MTUS2: variants seen among roughly 807,000 people sequenced by gnomAD.
The protein encoded by MTUS2 is microtubule associated scaffold protein 2.
MTUS2 carries 40 observed loss-of-function variants against 114.1 expected under a neutral mutation model. That is an observed-to-expected ratio of 0.35 (90% CI 0.27 to 0.46). MTUS2 has a LOEUF of 0.46. Among genes scored for constraint, MTUS2 ranks in the 20% least tolerant of loss-of-function variants. The probability of loss-of-function intolerance (pLI) is 1.00; values close to 1 mark genes in which losing one functional copy is unlikely to be tolerated. For synonymous variants in MTUS2, 688 were observed against 672.0 expected (o/e 1.02, Z -0.37); for missense variants, 1,679 against 1,705.4 (o/e 0.98, Z 0.27).
intron 5 of MTUS2, among the ~76,000 whole-genome samples, chr13:29,240,463 T>A (rs1361431093): frequency 1.3e-5 from 2 of 152,222 alleles, no homozygotes; most frequent in Admixed American, 1.3e-4. Flanking sequence ...AGACTCAGTG[T>A]GAAATCGAAT....
chr13:29,193,002 T>C (rs754700009), intron 5 of MTUS2, among the ~76,000 whole-genome samples: 2 of 152,154 alleles, frequency 1.3e-5, no homozygotes, highest in Admixed American at 6.5e-5. Flanking sequence ...ACAATGCATT[T>C]TGTATTTTCA....
chr13:29,022,523 T>C (rs772085992), intron 2 of MTUS2, among the ~76,000 whole-genome samples: 5 of 152,216 alleles, frequency 3.3e-5, no homozygotes, highest in Non-Finnish European at 5.9e-5. Context: ...AACAACATAT[T>C]AACAGGGATA....
At chr13:28,963,268 G>A (rs902438845) in intron 2 of MTUS2, among the ~76,000 whole-genome samples, 7 of 152,110 alleles carry the variant, frequency 4.6e-5, no homozygotes, top group African/African-American at 9.7e-5. Flanking sequence ...GGAGAATGGC[G>A]TGAACCCTGG....
At chr13:28,973,245 G>A (rs945484772) in intron 2 of MTUS2, among the ~76,000 whole-genome samples, 17 of 152,114 alleles carry the variant, frequency 1.1e-4, no homozygotes, top group African/African-American at 3.9e-4. Flanking sequence ...TTCACTCTTA[G>A]CAAGAGTAAT....
chr13:28,987,318 T>C (rs753166560), intron 2 of MTUS2, among the ~76,000 whole-genome samples: 27 of 152,112 alleles, frequency 1.8e-4, no homozygotes, highest in Non-Finnish European at 3.5e-4. Context: ...GCAGCACATC[T>C]AGTGCAGCAC....
chr13:29,252,173 A>G (rs1176126150), intron 5 of MTUS2, among the ~76,000 whole-genome samples: 1 of 152,002 alleles, frequency 6.6e-6, no homozygotes, highest in Non-Finnish European at 1.5e-5. Flanking sequence ...TATAATTACT[A>G]TCTAAATACT....
chr13:29,349,136 A>G (rs1363879752), intron 7 of MTUS2, among the ~76,000 whole-genome samples: 1 of 150,338 alleles, frequency 6.7e-6, no homozygotes, highest in Non-Finnish European at 1.5e-5. Context: ...GGCATTGGAT[A>G]GTTTTTTATG....
intron 9 of MTUS2, among the ~76,000 whole-genome samples, chr13:29,455,204 G>A (rs1047303119): frequency 6.6e-6 from 1 of 152,194 alleles, no homozygotes; most frequent in African/African-American, 2.4e-5. Context: ...GGAGTAAGCT[G>A]AGCAAAGGAG....
intron 2 of MTUS2, among the ~76,000 whole-genome samples, chr13:28,958,864 C>G (rs1883190561): frequency 6.6e-6 from 1 of 152,138 alleles, no homozygotes. Context: ...TAAGGCAATG[C>G]ATAATTCACT....
chr13:29,257,460 A>G (rs1311533142), intron 5 of MTUS2, among the ~76,000 whole-genome samples: 1 of 152,210 alleles, frequency 6.6e-6, no homozygotes, highest in Non-Finnish European at 1.5e-5. Context: ...CAGGCATGGA[A>G]TGCGAAAGGC....
At chr13:29,229,871 AT>A (rs36049582) in intron 5 of MTUS2, among the ~76,000 whole-genome samples, 9,293 of 152,226 alleles carry the variant, frequency 0.061, 302 homozygotes, top group Middle Eastern at 0.078. Context: ...TAAAAATTAT[AT>A]TTTTTTATGA....
intron 2 of MTUS2, among the ~76,000 whole-genome samples, chr13:28,904,204 G>C (rs889837470): frequency 6.6e-6 from 1 of 152,146 alleles, no homozygotes; most frequent in African/African-American, 2.4e-5. Context: ...CTCCCATTCT[G>C]TAGGTTGCCT....
intron 5 of MTUS2, among the ~76,000 whole-genome samples, chr13:29,101,753 C>T (rs1280245058): frequency 2.6e-5 from 4 of 152,058 alleles, no homozygotes. Context: ...GAGGTTTCCA[C>T]GTAGAGAGCT....
At chr13:29,020,644 T>C (rs1886254934) in intron 2 of MTUS2, among the ~76,000 whole-genome samples, 1 of 152,196 alleles carries the variant, frequency 6.6e-6, no homozygotes, top group African/African-American at 2.4e-5. Context: ...ACGTGTTGGT[T>C]TCTGGTTTTG....
At chr13:28,938,404 G>A (rs75694416) in intron 2 of MTUS2, among the ~76,000 whole-genome samples, 4,155 of 151,298 alleles carry the variant, frequency 0.027, 175 homozygotes, top group African/African-American at 0.094. Context: ...TAGTCTTTTT[G>A]ATTTCCTAAA....
At chr13:28,933,688 A>G (rs1226907744) in intron 2 of MTUS2, among the ~76,000 whole-genome samples, 2 of 152,154 alleles carry the variant, frequency 1.3e-5, no homozygotes, top group Admixed American at 1.3e-4. Flanking sequence ...GTTTTGTTTT[A>G]TCCTTACAGA....
At chr13:28,893,252 T>G (rs1295702179) in intron 2 of MTUS2, among the ~76,000 whole-genome samples, 1 of 152,098 alleles carries the variant, frequency 6.6e-6, no homozygotes, top group African/African-American at 2.4e-5. Context: ...GAAAAGCTAT[T>G]TATTAAGCCA....
At chr13:29,164,488 T>C (rs1893232669) in intron 5 of MTUS2, among the ~76,000 whole-genome samples, 1 of 152,222 alleles carries the variant, frequency 6.6e-6, no homozygotes, top group East Asian at 1.9e-4. Flanking sequence ...GCACTCAAAG[T>C]TGACTTCTTT....
intron 2 of MTUS2, among the ~76,000 whole-genome samples, chr13:28,917,532 T>C (rs1880812066): frequency 6.6e-6 from 1 of 151,846 alleles, no homozygotes; most frequent in Admixed American, 6.6e-5. Flanking sequence ...TAGCCACTAA[T>C]GATTCTTTGA....
Sources: allele counts gnomAD v4.1 joint callset (sites outside exome capture counted in the v4.1 genomes callset), GRCh38; gene constraint gnomAD v4.1.1; transcripts MANE v1.5; gene names NCBI Gene and HGNC (gene_info 2026-07-23, HGNC 2026-07-21).